Variants in CHST9 observed in about 807,000 individuals in gnomAD.
CHST9 encodes GalNAc-4-sulfotransferase 2.
A neutral mutation model predicts 44.4 loss-of-function variants in CHST9; 41 were observed. The ratio of observed to expected loss-of-function variants is 0.92; its 90% CI spans 0.72 to 1.20. The LOEUF (loss-of-function observed/expected upper bound fraction) is 1.20, where lower values mean the gene tolerates loss of function less well. Ranked by LOEUF, CHST9 falls within the 50% of genes most tolerant of loss-of-function variation. The probability of loss-of-function intolerance (pLI) is 0.00; values close to 1 mark genes in which losing one functional copy is unlikely to be tolerated. For synonymous variants in CHST9, 171 were observed against 178.4 expected, an observed-to-expected ratio of 0.96 and a Z score of 0.33; for missense variants, 504 against 516.5, an observed-to-expected ratio of 0.98 and a Z score of 0.23.
At chr18:26,966,769 A>T (rs750916753) in intron 4 of CHST9, among the ~76,000 whole-genome samples, 2 of 152,088 alleles carry the variant, frequency 1.3e-5, no homozygotes, top group African/African-American at 4.8e-5. Context: ...CAAGTGAAGG[A>T]AAGTTGGTTA....
chr18:27,013,983 A>G (rs2057116297), intron 4 of CHST9, among the ~76,000 whole-genome samples: 1 of 152,214 alleles, frequency 6.6e-6, no homozygotes, highest in African/African-American at 2.4e-5. Context: ...CAATTGTATT[A>G]ATGAAATTAA....
At chr18:27,072,522 C>T (rs994601771) in intron 2 of CHST9, among the ~76,000 whole-genome samples, 1 of 152,010 alleles carries the variant, frequency 6.6e-6, no homozygotes, top group East Asian at 1.9e-4. Context: ...TGCCAGAGGT[C>T]GAAGTTGTAG....
chr18:26,920,565 C>G (rs567359476), intron 5 of CHST9, among the ~76,000 whole-genome samples: 1 of 152,124 alleles, frequency 6.6e-6, no homozygotes, highest in Non-Finnish European at 1.5e-5. Context: ...CTTTCTTGCT[C>G]TCTGTGGTAC....
rs769601984 is a variant in CHST9 at position 26,917,341 on chromosome 18, A to T, written c.250T>A (p.Phe84Ile). The T allele has an allele frequency of 1.9e-6, 3 of 1,609,472 alleles. No homozygotes were observed. Among genetic ancestry groups the T allele is most frequent in the Non-Finnish European group, 2.5e-6 (3 of 1,178,328 alleles). ...TCTCGTACATCCTCAGGCATGTGAA[A>T]CTTGGGGTTCTGTTAAAATAAAGAA... ...QEHITNQNPK[F>I]HMPEDVREKK... Residue 84 changes from phenylalanine (F) to isoleucine (I), a missense_variant, in exon 6 of 6, where the codon TTT (phenylalanine) becomes ATT (isoleucine). Physicochemically the swap from Phe to Ile is conservative, Grantham distance 21. Transcript: ENST00000618847.
chr18:27,174,008 TA>T (rs2058850314), intron 1 of CHST9, among the ~76,000 whole-genome samples: 1 of 152,128 alleles, frequency 6.6e-6, no homozygotes, highest in East Asian at 1.9e-4. Context: ...CACTTCTAAA[TA>T]CTTTCAAATA....
intron 4 of CHST9, chr18:26,952,251 G>T: frequency 1.9e-6 from 1 of 526,916 alleles, no homozygotes. Context: ...ATCATCTGCT[G>T]GCCTGAGATC....
intron 2 of CHST9, among the ~76,000 whole-genome samples, chr18:27,096,523 GTAGATTGCTAGC>G (rs1256012082): frequency 6.6e-6 from 1 of 151,854 alleles, no homozygotes; most frequent in Admixed American, 6.6e-5. Context: ...AGCAAGATTG[GTAGATTGCTAGC>G]TAGATTAACA....
At chr18:26,984,999 G>A (rs1290635246) in intron 4 of CHST9, among the ~76,000 whole-genome samples, 1 of 152,150 alleles carries the variant, frequency 6.6e-6, no homozygotes, top group East Asian at 1.9e-4. Context: ...TCCACTTCTA[G>A]TTGTACACCT....
intron 1 of CHST9, among the ~76,000 whole-genome samples, chr18:27,169,439 C>T (rs1408548367): frequency 6.6e-6 from 1 of 152,004 alleles, no homozygotes; most frequent in Non-Finnish European, 1.5e-5. Context: ...TGGCTAAATC[C>T]ATCGTCAGCA....
At position 26,910,466 on chromosome 18, in the gene CHST9, A is replaced by G. The variant is rs1211027897; in HGVS notation, c.*5793T>C. ...GCTTAGGGGCCAGGCAAGTAAGGTG[A>G]ATGAGTGATGGTGGATTAGTGAAGA... On this transcript the variant is annotated 3_prime_UTR_variant, in exon 6 of 6. Coordinates refer to ENST00000618847, the MANE Select transcript of CHST9 (RefSeq NM_031422.6). 1 of 152,236 alleles carries G rather than the reference A, an allele frequency of 6.6e-6. No homozygotes were observed. Among genetic ancestry groups the G allele is most frequent in the Non-Finnish European group, 1.5e-5 (1 of 68,076 alleles). The allele number at this position is 152,236 out of a possible 1,614,324, so 9.4% of individuals were successfully genotyped here. A position where few individuals can be genotyped will look rare whatever the true frequency, so the allele number is the denominator to read the frequency against.
At chr18:26,930,083 A>C (rs1329741819) in intron 5 of CHST9, among the ~76,000 whole-genome samples, 1 of 152,190 alleles carries the variant, frequency 6.6e-6, no homozygotes, top group African/African-American at 2.4e-5. Flanking sequence ...AGTGAAACAC[A>C]CGCCCCTCTG....
chr18:26,973,218 A>G (rs1019017694), intron 4 of CHST9, among the ~76,000 whole-genome samples: 4 of 152,040 alleles, frequency 2.6e-5, no homozygotes, highest in African/African-American at 9.7e-5. Flanking sequence ...TTCCTTTTCA[A>G]TGGTCTATTT....
chr18:27,124,243 G>A (rs981520090), intron 2 of CHST9, among the ~76,000 whole-genome samples: 2 of 152,164 alleles, frequency 1.3e-5, no homozygotes, highest in Non-Finnish European at 2.9e-5. Context: ...AATCCAACAT[G>A]AGCCAAGTTA....
intron 1 of CHST9, among the ~76,000 whole-genome samples, chr18:27,153,546 C>T (rs28539416): frequency 2.9e-5 from 4 of 138,500 alleles, no homozygotes; most frequent in Non-Finnish European, 6.3e-5. Context: ...CTCTCTCTCT[C>T]TGTGTGTGTG....
chr18:27,113,086 G>T (rs1453359058), intron 2 of CHST9, among the ~76,000 whole-genome samples: 1 of 151,956 alleles, frequency 6.6e-6, no homozygotes, highest in Non-Finnish European at 1.5e-5. Flanking sequence ...CTACTCGGGA[G>T]GCTGAGGCAG....
intron 2 of CHST9, among the ~76,000 whole-genome samples, chr18:27,124,933 G>T (rs566953668): frequency 6.6e-6 from 1 of 152,160 alleles, no homozygotes; most frequent in Non-Finnish European, 1.5e-5. Flanking sequence ...TTATGGATTT[G>T]TCTCTCTCCC....
chr18:27,036,780 T>C (rs1202446573), intron 3 of CHST9, among the ~76,000 whole-genome samples: 2 of 152,160 alleles, frequency 1.3e-5, no homozygotes, highest in African/African-American at 4.8e-5. Context: ...TTTTTTAAAA[T>C]TTTATTTTAT....
intron 1 of CHST9, among the ~76,000 whole-genome samples, chr18:27,162,604 G>T (rs537163894): frequency 6.6e-6 from 1 of 152,190 alleles, no homozygotes; most frequent in Non-Finnish European, 1.5e-5. Flanking sequence ...TGCTCTTCTC[G>T]AGGAGTATCT....
chr18:26,950,137 C>T (rs1568105441), intron 4 of CHST9, among the ~76,000 whole-genome samples: 1 of 152,250 alleles, frequency 6.6e-6, no homozygotes. Context: ...TATGCTTTTT[C>T]TCAGCTGTTC....
Sources: allele counts gnomAD v4.1 joint callset (sites outside exome capture counted in the v4.1 genomes callset), GRCh38; gene constraint gnomAD v4.1.1; transcripts MANE v1.5; gene names NCBI Gene and HGNC (gene_info 2026-07-23, HGNC 2026-07-21).